MPRIP: variants seen among roughly 807,000 people sequenced by gnomAD.
MPRIP encodes the protein myosin phosphatase Rho-interacting protein.
Under a neutral mutation model 234.9 loss-of-function variants are expected in MPRIP, and 59 were observed. The ratio of observed to expected loss-of-function variants is 0.25; its 90% confidence interval spans 0.20 to 0.31. The LOEUF (loss-of-function observed/expected upper bound fraction) is 0.31, where lower values mean the gene tolerates loss of function less well. MPRIP is among the 10% of genes least tolerant of loss of function. The pLI, the probability that MPRIP is intolerant of heterozygous loss-of-function variation, is 1.00. For missense variants in MPRIP, 2,436 were observed against 3,071.0 expected (o/e 0.79, Z 4.89); for synonymous variants, 1,144 against 1,263.9 (o/e 0.91, Z 2.01).
chr17:17,166,351 C>T lies in MPRIP; in HGVS notation c.4760C>T (p.Thr1587Ile). The change falls in exon 16 of 24, where the codon ACA becomes ATA. Residue 1587 changes from threonine to isoleucine, a missense_variant. By Grantham distance (89) the Thr-to-Ile change is moderately conservative. Around this residue, in one of 4 missense-constraint regions of MPRIP, gnomAD observed 1,998 missense variants for 2,520.3 expected, o/e 0.79. Transcript: ENST00000651222. This position sits in a 1 kb window ranked among gnomAD's most constrained non-coding sequence, Gnocchi z 4.4. ...ATAGCAGATTCCCTGAAGAACACAA[C>T]ATCAGATGTCTCCCGAATGCTCCAT... ...SQIADSLKNT[T>I]SDVSRMLHEI... The T allele has an allele frequency of 1.5e-6, 2 of 1,304,618 alleles. No homozygotes were observed. The highest frequency in any genetic ancestry group is 2.0e-6 in the Non-Finnish European group (2 of 989,048). 80.8% of individuals were successfully genotyped at this position (1,304,618 alleles called of 1,614,324 possible). A position where few individuals can be genotyped will look rare whatever the true frequency, so the allele number is the denominator to read the frequency against.
At chr17:17,046,045 T>C (rs548084736) in intron 1 of MPRIP, among the ~76,000 whole-genome samples, 1 of 152,238 alleles carries the variant, frequency 6.6e-6, no homozygotes, top group South Asian at 2.1e-4. Flanking sequence ...GACCTCGTGA[T>C]CCGCCTGCCT....
At chr17:17,161,969 C>T (rs1017634596) in intron 15 of MPRIP, among the ~76,000 whole-genome samples, 18 of 152,234 alleles carry the variant, frequency 1.2e-4, no homozygotes, top group African/African-American at 3.9e-4. Flanking sequence ...GGCCCAAGGG[C>T]GTGCCTATGT....
At position 17,051,654 on chromosome 17, in the gene MPRIP, T is replaced by C. The variant is rs1224937128; in HGVS notation, c.123+8683T>C. On this transcript the variant is annotated intron_variant, in intron 1 of 23. Transcript: ENST00000651222. The stretch of plus-strand genomic sequence containing the variant: ...TTAGCAATTGAGGCAGTCTTACAGC[T>C]GCTCTGGAATGGAGCCCCCATGCCC... Among the ~76,000 whole-genome samples the C allele has an allele frequency of 2.0e-5, 3 of 152,248 alleles. No homozygotes were observed. In the East Asian group the frequency reaches 5.8e-4, roughly 29 times the overall value.
chr17:17,093,793 CTG>C (rs1190638641), intron 3 of MPRIP, among the ~76,000 whole-genome samples: 21 of 152,220 alleles, frequency 1.4e-4, no homozygotes, highest in African/African-American at 4.6e-4. Flanking sequence ...GTGCCTACCT[CTG>C]TGTTTGTAAA....
chr17:17,158,217 C>T (rs1002660420), intron 13 of MPRIP, among the ~76,000 whole-genome samples: 7 of 152,158 alleles, frequency 4.6e-5, no homozygotes, highest in African/African-American at 1.7e-4. Flanking sequence ...CTCCCCGTCC[C>T]CCTCCCCCTC....
Position 17,189,572 on chromosome 17 carries a change from G to GAATGGA in MPRIP, c.*4683_*4688dup, listed in dbSNP as rs1195495298. 2.0e-5 allele frequency: 3 copies of GAATGGA among 152,048 alleles called. No homozygotes were observed. The highest frequency in any genetic ancestry group is 2.0e-4 in the Admixed American group (3 of 15,274). The allele number at this position is 152,048 out of a possible 1,614,324, so 9.4% of individuals were successfully genotyped here. A position where few individuals can be genotyped will look rare whatever the true frequency, so the allele number is the denominator to read the frequency against. Reference sequence around the variant, plus strand: ...TTAAGTATTGTCAAAGTTCTATAAAGAATGGAAATGTATGATATTATACTT... The same window carrying GAATGGA: ...TTAAGTATTGTCAAAGTTCTATAAAGAATGGAAATGGAAATGTATGATATTATACTT... On this transcript the variant is annotated 3_prime_UTR_variant, in exon 24 of 24. Coordinates refer to ENST00000651222, the MANE Select transcript of MPRIP (RefSeq NM_001364716.4).
At chr17:17,148,162 T>C (rs1057260995) in intron 11 of MPRIP, among the ~76,000 whole-genome samples, 2 of 152,064 alleles carry the variant, frequency 1.3e-5, no homozygotes, top group Admixed American at 6.6e-5. Flanking sequence ...AAGGTGGTAG[T>C]GATAAGAAGT....
Position 17,165,255 on chromosome 17 carries a change from G to A in MPRIP, c.3664G>A (p.Glu1222Lys). 1 of 1,304,116 alleles carries A rather than the reference G, an allele frequency of 7.7e-7. No homozygotes were observed. The highest frequency in any genetic ancestry group is 1.0e-6 in the Non-Finnish European group (1 of 988,976). The allele number at this position is 1,304,116 out of a possible 1,614,324, so 80.8% of individuals were successfully genotyped here. ...KEEILRKFAS[E>K]SPKDMEEPRS... ...AGAGATTTTAAGGAAATTTGCAAGT[G>A]AATCTCCAAAGGACATGGAAGAGCC... The change falls in exon 16 of 24, where the codon GAA (glutamate) becomes AAA (lysine). Residue 1222 changes from glutamate to lysine, a missense_variant. Physicochemically the swap from Glu to Lys is moderately conservative, Grantham distance 56 (BLOSUM62 1). Around this residue, in one of 4 missense-constraint regions of MPRIP, gnomAD observed 1,998 missense variants for 2,520.3 expected, o/e 0.79. Coordinates refer to ENST00000651222, the MANE Select transcript of MPRIP (RefSeq NM_001364716.4).
Position 17,166,596 on chromosome 17 carries a change from A to G in MPRIP, c.5005A>G (p.Arg1669Gly), listed in dbSNP as rs2046002734. Residue 1669 changes from arginine (R) to glycine (G), a missense_variant, in exon 16 of 24, where the codon AGG (arginine) becomes GGG (glycine). By Grantham distance (125) the Arg-to-Gly change is moderately radical. Transcript: ENST00000651222. This position sits in a 1 kb window ranked among gnomAD's most constrained non-coding sequence, Gnocchi z 4.4. ...APILANATWV[R>G]AELSFATQSV... is the part of the protein sequence containing the mutation. ...CATCCTGGCCAATGCCACATGGGTCAGGGCAGAGCTCAGCTTTGCCACACA... is the reference window on the plus strand; with the variant it reads ...CATCCTGGCCAATGCCACATGGGTCGGGGCAGAGCTCAGCTTTGCCACACA... 20 of 1,304,108 alleles carry G rather than the reference A, an allele frequency of 1.5e-5. No individual in the cohort carries two copies. The highest frequency in any genetic ancestry group is 1.9e-5 in the Non-Finnish European group (19 of 988,878). 80.8% of individuals were successfully genotyped at this position (1,304,108 alleles called of 1,614,324 possible). A position where few individuals can be genotyped will look rare whatever the true frequency, so the allele number is the denominator to read the frequency against.
At chr17:17,130,083 C>T (rs11870035) in intron 4 of MPRIP, among the ~76,000 whole-genome samples, 65,144 of 152,018 alleles carry the variant, frequency 0.43, 16,665 homozygotes, top group East Asian at 0.68. Flanking sequence ...GTTTTGGGGC[C>T]GTGGAGGAAT....
chr17:17,176,325 A>G, intron 20 of MPRIP, 101 bp from the exon 21 acceptor site: 2 of 864,296 alleles, frequency 2.3e-6, no homozygotes, highest in South Asian at 2.8e-5. Flanking sequence ...TGCCCTGCTC[A>G]CTGGTGATTG....
Position 17,165,570 on chromosome 17 carries a change from A to G in MPRIP, c.3979A>G (p.Ile1327Val). 7.7e-7 allele frequency: 1 copy of G among 1,304,724 alleles called. No homozygotes were observed. Among genetic ancestry groups the G allele is most frequent in the African/African-American group, 1.5e-5 (1 of 66,002 alleles). The allele number at this position is 1,304,724 out of a possible 1,614,324, so 80.8% of individuals were successfully genotyped here. ...VKRQRIRFST[I>V]QCQRYIHPEG... ...AAGGCAAAGAATCCGGTTCTCCACA[A>G]TCCAGTGCCAAAGATACATTCACCC... is the stretch of plus-strand genomic sequence containing the variant. Residue 1327 changes from isoleucine (I) to valine (V), a missense_variant, in exon 16 of 24, where the codon ATC (isoleucine) becomes GTC (valine). Ile to Val is a conservative substitution (Grantham distance 29). Around this residue, in one of 4 missense-constraint regions of MPRIP, gnomAD observed 1,998 missense variants for 2,520.3 expected, o/e 0.79. Coordinates refer to ENST00000651222, the MANE Select transcript of MPRIP (RefSeq NM_001364716.4).
intron 1 of MPRIP, chr17:17,058,009 C>T: frequency 2.7e-6 from 1 of 364,834 alleles, no homozygotes. Context: ...CCTTCACGCC[C>T]CTCCCCAGTG....
chr17:17,156,231 C>T (rs370392415), intron 13 of MPRIP, among the ~76,000 whole-genome samples: 1 of 152,228 alleles, frequency 6.6e-6, no homozygotes, highest in Admixed American at 6.5e-5. Context: ...TCAGGAGAGG[C>T]GCCTCCACGC....
intron 3 of MPRIP, among the ~76,000 whole-genome samples, chr17:17,098,869 G>A (rs944725311): frequency 3.2e-4 from 48 of 152,138 alleles, no homozygotes; most frequent in African/African-American, 1.2e-3. Context: ...CCCCAGCATT[G>A]GATGCCTGCC....
chr17:17,057,519 A>T (rs1389645948), intron 1 of MPRIP: 1 of 694,562 alleles, frequency 1.4e-6, no homozygotes, highest in Non-Finnish European at 2.7e-6. Context: ...CTGCTGGCAG[A>T]GGGCCCACAG....
At chr17:17,111,710 G>T (rs999186260) in intron 3 of MPRIP, among the ~76,000 whole-genome samples, 1 of 152,136 alleles carries the variant, frequency 6.6e-6, no homozygotes, top group Non-Finnish European at 1.5e-5. Context: ...TGGGAACTGC[G>T]GACTGACTCA....
chr17:17,162,489 T>G (rs541287883), intron 15 of MPRIP, among the ~76,000 whole-genome samples: 1 of 152,222 alleles, frequency 6.6e-6, no homozygotes, highest in Non-Finnish European at 1.5e-5. Context: ...TTCTCTTTCT[T>G]TCTGCCCCAC....
At chr17:17,065,129 T>C (rs1450503078) in intron 1 of MPRIP, among the ~76,000 whole-genome samples, 1 of 152,226 alleles carries the variant, frequency 6.6e-6, no homozygotes, top group African/African-American at 2.4e-5. Context: ...TTGGATTGTT[T>C]TGTGTTTTCA....
Sources: gnomAD v4.1 joint callset for allele counts (sites outside exome capture counted in the v4.1 genomes callset) on GRCh38, gnomAD v4.1.1 for gene constraint, gnomAD v4.1.1 regional missense constraint, Gnocchi (gnomAD v3.1) non-coding constraint, MANE v1.5 for transcripts, NCBI Gene and HGNC (gene_info 2026-07-23, HGNC 2026-07-21) for gene names.